WWOX: variants seen among roughly 807,000 people sequenced by gnomAD.
WWOX encodes the protein WW domain-containing oxidoreductase.
WWOX carries 69 observed loss-of-function variants against 46.2 expected under a neutral mutation model. That is an observed-to-expected ratio of 1.49 (90% confidence interval 1.23 to 1.82). The LOEUF is 1.82. Ranked by LOEUF, WWOX falls within the 40% of genes most tolerant of loss-of-function variation. The pLI is 0.00. For synonymous variants in WWOX, 359 were observed against 202.6 expected, an observed-to-expected ratio of 1.77 and a Z score of -6.56; for missense variants, 919 against 542.6, an observed-to-expected ratio of 1.69 and a Z score of -6.89.
chr16:78,548,094 G>T (rs2044085572), intron 8 of WWOX, among the ~76,000 whole-genome samples: 1 of 146,498 alleles, frequency 6.8e-6, no homozygotes, highest in South Asian at 2.2e-4. Flanking sequence ...GGTGGAGGTT[G>T]CAGTGAGCTG....
intron 5 of WWOX, among the ~76,000 whole-genome samples, chr16:78,165,652 G>A (rs753704579): frequency 6.6e-6 from 1 of 152,108 alleles, no homozygotes; most frequent in Non-Finnish European, 1.5e-5. Flanking sequence ...TGTGGAGGCC[G>A]TCTTCATTTT....
At chr16:78,875,983 A>G (rs1004044653) in intron 8 of WWOX, among the ~76,000 whole-genome samples, 1 of 151,998 alleles carries the variant, frequency 6.6e-6, no homozygotes, top group African/African-American at 2.4e-5. Context: ...TTTTGTTTTG[A>G]GTTATACCCA....
chr16:78,918,006 A>C (rs914241235), intron 8 of WWOX, among the ~76,000 whole-genome samples: 1 of 152,168 alleles, frequency 6.6e-6, no homozygotes, highest in African/African-American at 2.4e-5. Context: ...GTTTGAAACC[A>C]GACTGGGCAA....
intron 8 of WWOX, among the ~76,000 whole-genome samples, chr16:78,556,261 T>TAAAA (rs879764844): frequency 8.7e-5 from 11 of 126,916 alleles, no homozygotes; most frequent in African/African-American, 3.1e-4. Flanking sequence ...CCTCCTCCTC[T>TAAAA]AAAAAAAAAA....
chr16:78,369,121 A>G (rs555860210), intron 5 of WWOX, among the ~76,000 whole-genome samples: 4 of 151,482 alleles, frequency 2.6e-5, no homozygotes, highest in African/African-American at 9.7e-5. Context: ...TGATGTACAC[A>G]TTAAAGGAAA....
intron 8 of WWOX, among the ~76,000 whole-genome samples, chr16:78,463,327 C>T (rs768639018): frequency 3.9e-5 from 6 of 152,146 alleles, no homozygotes; most frequent in African/African-American, 9.7e-5. Context: ...AATTCTTACC[C>T]GATGCTTAAT....
intron 8 of WWOX, among the ~76,000 whole-genome samples, chr16:78,653,863 G>A (rs1052066101): frequency 6.6e-6 from 1 of 152,182 alleles, no homozygotes; most frequent in Non-Finnish European, 1.5e-5. Context: ...TTTGAGTTGG[G>A]TTTGAATCAC....
chr16:79,126,056 C>A (rs11647397), intron 8 of WWOX, among the ~76,000 whole-genome samples: 3,034 of 152,154 alleles, frequency 0.02, 38 homozygotes, highest in Non-Finnish European at 0.032. Flanking sequence ...AAATTATGAT[C>A]CCTTGTGTTA....
At chr16:78,216,451 AG>A (rs1300702362) in intron 5 of WWOX, among the ~76,000 whole-genome samples, 2 of 152,186 alleles carry the variant, frequency 1.3e-5, no homozygotes, top group Non-Finnish European at 2.9e-5. Flanking sequence ...GTAAGATAGA[AG>A]TCCTACAGGG....
chr16:78,189,092 G>T (rs4888761), intron 5 of WWOX, among the ~76,000 whole-genome samples: 1 of 151,860 alleles, frequency 6.6e-6, no homozygotes, highest in African/African-American at 2.4e-5. Flanking sequence ...GGCTGAGAAC[G>T]TGCAGCTCAT....
intron 8 of WWOX, among the ~76,000 whole-genome samples, chr16:79,183,168 G>C (rs73584708): frequency 0.029 from 4,352 of 152,328 alleles, 188 homozygotes; most frequent in African/African-American, 0.099. Context: ...AGCAGAGCAG[G>C]TGGCAGGCAC....
intron 8 of WWOX, among the ~76,000 whole-genome samples, chr16:78,493,882 A>G (rs2084846762): frequency 6.6e-6 from 1 of 152,314 alleles, no homozygotes; most frequent in East Asian, 1.9e-4. Context: ...ATTTGGATAG[A>G]TGAATGGTAA....
At chr16:79,050,086 G>C (rs1462243071) in intron 8 of WWOX, among the ~76,000 whole-genome samples, 2 of 152,156 alleles carry the variant, frequency 1.3e-5, no homozygotes, top group Non-Finnish European at 2.9e-5. Context: ...GCATAGGCCA[G>C]TGACTTGGTT....
intron 8 of WWOX, among the ~76,000 whole-genome samples, chr16:78,904,194 G>C (rs1190003373): frequency 6.7e-6 from 1 of 150,142 alleles, no homozygotes; most frequent in Non-Finnish European, 1.5e-5. Context: ...AGCAGTTACA[G>C]GTGCTTGTGA....
chr16:79,155,255 A>G (rs2050358535), intron 8 of WWOX, among the ~76,000 whole-genome samples: 1 of 152,144 alleles, frequency 6.6e-6, no homozygotes, highest in Admixed American at 6.5e-5. Context: ...GTGTGCCTGT[A>G]GTTCCAGCTA....
In WWOX at chr16:79,178,517, G is replaced by T. The variant is rs549068709; in HGVS notation, c.1057-33091G>T. 4.6e-5 allele frequency among the ~76,000 whole-genome samples: 7 copies of T among 152,208 alleles called. No homozygotes were observed. The South Asian group carries it at 1.5e-3, about 32-fold the overall frequency. On this transcript the variant is annotated intron_variant, in intron 8 of 8. Coordinates refer to ENST00000566780, the MANE Select transcript of WWOX (RefSeq NM_016373.4). ...TTTTTTGTAGAGACAAGGTCTCACT[G>T]TGTTGTCCAGGCTGGTCTCAAACTC...
At chr16:78,106,096 C>G (rs925833549) in intron 1 of WWOX, among the ~76,000 whole-genome samples, 1 of 152,212 alleles carries the variant, frequency 6.6e-6, no homozygotes, top group Non-Finnish European at 1.5e-5. Flanking sequence ...GCCACCGTAC[C>G]CCGCCACTCC....
intron 8 of WWOX, among the ~76,000 whole-genome samples, chr16:78,473,584 CA>C (rs1417434068): frequency 6.9e-6 from 1 of 144,116 alleles, no homozygotes; most frequent in Non-Finnish European, 1.5e-5. Context: ...AGACGTGATT[CA>C]GGGGAGATTG....
intron 8 of WWOX, among the ~76,000 whole-genome samples, chr16:78,681,624 C>G (rs893590971): frequency 1.3e-5 from 2 of 151,944 alleles, no homozygotes; most frequent in East Asian, 3.9e-4. Context: ...AGGGACAGAC[C>G]GAGGTTTGAG....
Sources: allele counts gnomAD v4.1 joint callset (sites outside exome capture counted in the v4.1 genomes callset), GRCh38; gene constraint gnomAD v4.1.1; transcripts MANE v1.5; gene names NCBI Gene and HGNC (gene_info 2026-07-23, HGNC 2026-07-21).